Variants in GRM8 observed in about 807,000 individuals in gnomAD.
GRM8 encodes the protein metabotropic glutamate receptor 8.
GRM8 carries 47 observed loss-of-function variants against 87.2 expected under a neutral mutation model. The observed-to-expected ratio is 0.54, with a 90% CI of 0.43 to 0.69. The LOEUF is 0.69. Ranked by LOEUF, GRM8 falls within the 30% of genes least tolerant of loss-of-function variation. The pLI, the probability that GRM8 is intolerant of heterozygous loss-of-function variation, is 0.00. For synonymous variants in GRM8, 396 were observed against 404.5 expected, an observed-to-expected ratio of 0.98 and a Z score of 0.25; for missense variants, 1,019 against 1,139.2, an observed-to-expected ratio of 0.89 and a Z score of 1.52.
chr7:126,573,997 G>A (rs1329188773), intron 8 of GRM8, among the ~76,000 whole-genome samples: 1 of 152,164 alleles, frequency 6.6e-6, no homozygotes, highest in African/African-American at 2.4e-5. Context: ...ATTCAAAAAG[G>A]TTGCCTCTCT....
intron 3 of GRM8, among the ~76,000 whole-genome samples, chr7:127,047,008 G>T (rs914309762): frequency 6.6e-6 from 1 of 152,176 alleles, no homozygotes; most frequent in South Asian, 2.1e-4. Flanking sequence ...AGGTCTTGAC[G>T]AAGGCATTTG....
intron 8 of GRM8, among the ~76,000 whole-genome samples, chr7:126,568,857 A>G (rs192429369): frequency 2.4e-4 from 37 of 152,252 alleles, no homozygotes; most frequent in African/African-American, 8.4e-4. Flanking sequence ...GTTGGAAATC[A>G]TTTCAAAGGG....
At chr7:126,667,133 A>C (rs951278715) in intron 7 of GRM8, among the ~76,000 whole-genome samples, 1 of 152,204 alleles carries the variant, frequency 6.6e-6, no homozygotes, top group Non-Finnish European at 1.5e-5. Context: ...AACTTAGCAT[A>C]TATTAATTCA....
chr7:126,690,604 G>A (rs1808699376), intron 7 of GRM8, among the ~76,000 whole-genome samples: 2 of 152,202 alleles, frequency 1.3e-5, no homozygotes, highest in African/African-American at 2.4e-5. Flanking sequence ...ACAACATGGT[G>A]AGCAAGGGGT....
chr7:127,165,468 C>T (rs1392560995), intron 2 of GRM8, among the ~76,000 whole-genome samples: 2 of 151,962 alleles, frequency 1.3e-5, no homozygotes, highest in African/African-American at 2.4e-5. Flanking sequence ...GCAGACTCAT[C>T]GGTGGACAAG....
chr7:126,691,213 G>A (rs1021811068), intron 7 of GRM8, among the ~76,000 whole-genome samples: 1 of 152,226 alleles, frequency 6.6e-6, no homozygotes, highest in Non-Finnish European at 1.5e-5. Context: ...AAAGTCCAGA[G>A]GGGGCTAAGG....
chr7:126,903,765 A>ATGTGTG lies in GRM8; in HGVS notation c.1018+201_1018+206dup, dbSNP rs72467951. Among the ~76,000 whole-genome samples the ATGTGTG allele has an allele frequency of 4.7e-4, 45 of 95,826 alleles. 1 individual carries two copies. Among genetic ancestry groups the ATGTGTG allele is most frequent in the South Asian group, 3.9e-3 (11 of 2,852 alleles). The allele number at this position is 95,826 out of a possible 152,430, so 62.9% of individuals were successfully genotyped here. A position where few individuals can be genotyped will look rare whatever the true frequency, so the allele number is the denominator to read the frequency against. On this transcript the variant is annotated intron_variant, in intron 5 of 10. Transcript: ENST00000339582. ...TATATATGTATATGTGTATATATAT[A>ATGTGTG]TGTGTGTGTGTATATATATATATAT...
chr7:126,986,547 G>A (rs1373956271), intron 3 of GRM8, among the ~76,000 whole-genome samples: 1 of 152,124 alleles, frequency 6.6e-6, no homozygotes. Flanking sequence ...AGTGGTCTCT[G>A]AGAAGCTATG....
chr7:126,820,408 A>T (rs528001517), intron 6 of GRM8, among the ~76,000 whole-genome samples: 31 of 152,320 alleles, frequency 2.0e-4, no homozygotes, highest in Non-Finnish European at 3.8e-4. Flanking sequence ...GACTGCTGTC[A>T]CTTCTTCAGC....
At chr7:126,780,687 G>C (rs1439395900) in intron 6 of GRM8, among the ~76,000 whole-genome samples, 2 of 18,276 alleles carry the variant, frequency 1.1e-4, no homozygotes, top group Admixed American at 9.7e-4. Context: ...CAGCCAGTGA[G>C]GCTTAGCAGG....
intron 8 of GRM8, among the ~76,000 whole-genome samples, chr7:126,594,761 T>C (rs530956869): frequency 6.1e-4 from 93 of 152,190 alleles, no homozygotes; most frequent in Non-Finnish European, 1.2e-3. Context: ...TGTGAGGTAA[T>C]GCTTATGTTA....
intron 2 of GRM8, among the ~76,000 whole-genome samples, chr7:127,126,752 A>G (rs906097535): frequency 6.6e-6 from 1 of 152,026 alleles, no homozygotes; most frequent in African/African-American, 2.4e-5. Context: ...GAATTCACCA[A>G]AATAAGAAAC....
At chr7:126,777,853 T>C (rs1043099623) in intron 6 of GRM8, among the ~76,000 whole-genome samples, 1 of 152,156 alleles carries the variant, frequency 6.6e-6, no homozygotes, top group Admixed American at 6.6e-5. Flanking sequence ...TGTCATAAAA[T>C]GGCTGAAATT....
chr7:126,549,477 T>G (rs1455768262), intron 8 of GRM8, among the ~76,000 whole-genome samples: 2 of 152,174 alleles, frequency 1.3e-5, no homozygotes, highest in Non-Finnish European at 2.9e-5. Context: ...CTCATTATCT[T>G]TTACTTCTAA....
At chr7:126,587,858 AAAT>A (rs1482112676) in intron 8 of GRM8, among the ~76,000 whole-genome samples, 1 of 152,010 alleles carries the variant, frequency 6.6e-6, no homozygotes, top group African/African-American at 2.4e-5. Flanking sequence ...GAAGTATGAA[AAAT>A]AATATCTGAA....
At chr7:127,068,555 C>T (rs999599463) in intron 3 of GRM8, among the ~76,000 whole-genome samples, 8 of 152,122 alleles carry the variant, frequency 5.3e-5, no homozygotes, top group Non-Finnish European at 8.8e-5. Flanking sequence ...AACTGGGGCA[C>T]ACATGGAGAA....
At chr7:126,665,920 T>C (rs1391810283) in intron 7 of GRM8, among the ~76,000 whole-genome samples, 1 of 152,140 alleles carries the variant, frequency 6.6e-6, no homozygotes, top group Non-Finnish European at 1.5e-5. Context: ...AAACAGATTT[T>C]TGTGATGACT....
chr7:126,468,313 T>C (rs1308002029), intron 9 of GRM8, among the ~76,000 whole-genome samples: 1 of 152,046 alleles, frequency 6.6e-6, no homozygotes, highest in African/African-American at 2.4e-5. Flanking sequence ...CCCCTACTAT[T>C]CTTTTTGATA....
chr7:126,730,027 C>A (rs962692154), intron 7 of GRM8, among the ~76,000 whole-genome samples: 1 of 151,896 alleles, frequency 6.6e-6, no homozygotes, highest in Non-Finnish European at 1.5e-5. Flanking sequence ...TGAGAAAGTT[C>A]AATTGGAAAA....
Sources: allele counts gnomAD v4.1 joint callset (sites outside exome capture counted in the v4.1 genomes callset), GRCh38; gene constraint gnomAD v4.1.1; transcripts MANE v1.5; gene names NCBI Gene and HGNC (gene_info 2026-07-23, HGNC 2026-07-21).